Variants in OR14J1 observed in about 807,000 individuals in gnomAD.
The protein encoded by OR14J1 is olfactory receptor family 14 subfamily J member 1.
For missense variants in OR14J1, 378 were observed against 393.4 expected (o/e 0.96, Z 0.33); for synonymous variants, 140 against 146.7 (o/e 0.95, Z 0.33).
rs1346990460 is a variant in OR14J1, at chr6:29,307,356, G to A, written c.667G>A (p.Val223Met). The A allele has an allele frequency of 6.2e-7, 1 of 1,613,024 alleles. No individual in the cohort carries two copies. The highest frequency in any genetic ancestry group is 8.5e-7 in the Non-Finnish European group (1 of 1,180,030). The change falls in exon 2 of 2, where the codon GTG becomes ATG. Residue 223 changes from valine (V) to methionine (M), a missense_variant. Transcript: ENST00000641895. ...CTCCTACATTCGCATCTTCTCTACA[G>A]TGCTGAGAATCCCATCAGCTGAGGG... ...VLSYIRIFST[V>M]LRIPSAEGRT...
chr6:29,303,650 T>G (rs974543737), intron 1 of OR14J1, among the ~76,000 whole-genome samples: 1 of 152,134 alleles, frequency 6.6e-6, no homozygotes, highest in African/African-American at 2.4e-5. Flanking sequence ...GAGTGAAGAC[T>G]TTTCTTTTTC....
chr6:29,303,447 G>T (rs1331419042), intron 1 of OR14J1, among the ~76,000 whole-genome samples: 2 of 121,718 alleles, frequency 1.6e-5, no homozygotes, highest in Non-Finnish European at 3.5e-5. Context: ...AAAATAGAAA[G>T]AGTGCATTGA....
chr6:29,306,987 T>A lies in OR14J1; in HGVS notation c.298T>A (p.Phe100Ile). Residue 100 changes from phenylalanine to isoleucine, a missense_variant, in exon 2 of 2, where the codon TTC (phenylalanine) becomes ATC (isoleucine). Physicochemically the swap from Phe to Ile is conservative, Grantham distance 21 (BLOSUM62 0). Coordinates refer to ENST00000641895, the MANE Select transcript of OR14J1 (RefSeq NM_030946.2). The part of the protein sequence containing the change: ...ISLVQCILQV[F>I]FFIALASSEV... Reference sequence around the variant, plus strand: ...TCTTGTTCAGTGCATTCTTCAGGTTTTCTTCTTCATAGCTCTGGCCTCATC... The same window carrying A: ...TCTTGTTCAGTGCATTCTTCAGGTTATCTTCTTCATAGCTCTGGCCTCATC... The A allele has an allele frequency of 6.2e-7, 1 of 1,613,106 alleles. No individual in the cohort carries two copies.
At chr6:29,306,618 G>C (rs1775101634) in intron 1 of OR14J1, 44 bp from the exon 2 acceptor site, 2 of 853,494 alleles carry the variant, frequency 2.3e-6, no homozygotes, top group Non-Finnish European at 3.8e-6. Context: ...AAATATATTA[G>C]ATGTCATGCA....
rs554391464 is a variant in OR14J1 at position 29,309,422 on chromosome 6, T to C, written c.*1767T>C. 2.6e-5 allele frequency: 4 copies of C among 152,312 alleles called. No homozygotes were observed. Among genetic ancestry groups the C allele is most frequent in the African/African-American group, 7.2e-5 (3 of 41,556 alleles). The allele number at this position is 152,312 out of a possible 1,614,324, so 9.4% of individuals were successfully genotyped here. A position where few individuals can be genotyped will look rare whatever the true frequency, so the allele number is the denominator to read the frequency against. ...CCTGTAAAGGGATTCCTGGGTCAAA[T>C]GGTATTTTTGGTTCTAGATCCTTGA... On this transcript the variant is annotated 3_prime_UTR_variant, in exon 2 of 2. Coordinates refer to ENST00000641895, the MANE Select transcript of OR14J1 (RefSeq NM_030946.2).
chr6:29,303,416 AAC>A (rs1774844029), intron 1 of OR14J1, among the ~76,000 whole-genome samples: 1 of 151,704 alleles, frequency 6.6e-6, no homozygotes, highest in Non-Finnish European at 1.5e-5. Flanking sequence ...ATATTTGAGA[AAC>A]AAAATTTAAA....
rs1775628246 is a variant in OR14J1 at position 29,312,904 on chromosome 6, T to C, written c.*5249T>C. On this transcript the variant is annotated 3_prime_UTR_variant, in exon 2 of 2. Transcript: ENST00000641895. ...CTTTTTAAACACATTCATGGTGATA[T>C]ATATCGATGAGTTTATTTTGTATTG... 1 of 152,200 alleles carries C rather than the reference T, an allele frequency of 6.6e-6. No individual in the cohort carries two copies. The highest frequency in any genetic ancestry group is 1.5e-5 in the Non-Finnish European group (1 of 68,044). 9.4% of individuals were successfully genotyped at this position (152,200 alleles called of 1,614,324 possible).
At chr6:29,303,121 A>G (rs1252210248) in intron 1 of OR14J1, among the ~76,000 whole-genome samples, 1 of 152,246 alleles carries the variant, frequency 6.6e-6, no homozygotes, top group Admixed American at 6.5e-5. Flanking sequence ...CAGAAGACCT[A>G]TGGTAGTGCT....
chr6:29,305,030 A>G (rs1211613524), intron 1 of OR14J1, among the ~76,000 whole-genome samples: 2 of 152,188 alleles, frequency 1.3e-5, no homozygotes, highest in Non-Finnish European at 2.9e-5. Flanking sequence ...GGATTAAGCT[A>G]TATCTTATGG....
intron 1 of OR14J1, among the ~76,000 whole-genome samples, chr6:29,303,707 T>TATC (rs1774867870): frequency 1.3e-5 from 2 of 150,604 alleles, no homozygotes; most frequent in South Asian, 4.3e-4. Context: ...TCTATCTATC[T>TATC]ATCTATCTAT....
intron 1 of OR14J1, among the ~76,000 whole-genome samples, chr6:29,303,536 T>C (rs565763583): frequency 6.6e-5 from 10 of 152,306 alleles, no homozygotes; most frequent in Non-Finnish European, 1.3e-4. Flanking sequence ...ATTAACATGG[T>C]TCAAGAATTG....
chr6:29,310,699 T>C lies in OR14J1; in HGVS notation c.*3044T>C, dbSNP rs959072745. The C allele has an allele frequency of 2.6e-5, 4 of 152,242 alleles. No individual in the cohort carries two copies. Among genetic ancestry groups the C allele is most frequent in the African/African-American group, 4.8e-5 (2 of 41,472 alleles). 9.4% of individuals were successfully genotyped at this position (152,242 alleles called of 1,614,324 possible). A position where few individuals can be genotyped will look rare whatever the true frequency, so the allele number is the denominator to read the frequency against. The stretch of plus-strand genomic sequence containing the variant: ...ATAGCATTGAATCTATAAATTACTT[T>C]GGGCAGTATGGCCATTTTTCATGAT... On this transcript the variant is annotated 3_prime_UTR_variant, in exon 2 of 2. Transcript: ENST00000641895.
rs192536091 is a variant in OR14J1, at chr6:29,305,418, G to T, written c.-28-1244G>T. On this transcript the variant is annotated intron_variant, in intron 1 of 1. Transcript: ENST00000641895. ...ATATAGAACTGAAATCAATTATGTA[G>T]ATATCCCGTTAAATAAGTATTTACT... 3.0e-3 allele frequency among the ~76,000 whole-genome samples: 464 copies of T among 152,234 alleles called. 2 individuals are homozygous for T. Among genetic ancestry groups the T allele is most frequent in the Admixed American group, 5.9e-3 (91 of 15,298 alleles).
At chr6:29,305,923 C>G (rs1343159557) in intron 1 of OR14J1, among the ~76,000 whole-genome samples, 2 of 152,076 alleles carry the variant, frequency 1.3e-5, no homozygotes, top group African/African-American at 4.8e-5. Flanking sequence ...CTCTTTATTT[C>G]TTCAAATGGA....
intron 1 of OR14J1, among the ~76,000 whole-genome samples, chr6:29,302,153 G>C (rs1301844915): frequency 1.3e-5 from 1 of 79,482 alleles, no homozygotes; most frequent in Non-Finnish European, 3.2e-5. Context: ...AAACAAATGA[G>C]GGGAGATTTT....
intron 1 of OR14J1, 88 bp from the exon 2 acceptor site, chr6:29,306,574 C>A (rs2151193023): frequency 2.9e-6 from 2 of 687,252 alleles, no homozygotes; most frequent in East Asian, 2.5e-5. Flanking sequence ...CATTTCAGTA[C>A]CTCCTTGCTG....
chr6:29,302,086 G>A (rs1774739410), intron 1 of OR14J1, among the ~76,000 whole-genome samples: 1 of 150,824 alleles, frequency 6.6e-6, no homozygotes, highest in South Asian at 2.1e-4. Context: ...AAACTCAGGT[G>A]AATTATAAAT....
At chr6:29,303,505 AG>A (rs1474582446) in intron 1 of OR14J1, among the ~76,000 whole-genome samples, 1 of 152,188 alleles carries the variant, frequency 6.6e-6, no homozygotes, top group Non-Finnish European at 1.5e-5. Flanking sequence ...GCTGTTTGTG[AG>A]GACTCATGAA....
chr6:29,302,823 A>T (rs944610952), intron 1 of OR14J1, among the ~76,000 whole-genome samples: 5 of 150,636 alleles, frequency 3.3e-5, no homozygotes, highest in African/African-American at 9.8e-5. Flanking sequence ...TTAGAAATAC[A>T]TAAAACTGAA....
Sources: gnomAD v4.1 joint callset for allele counts (sites outside exome capture counted in the v4.1 genomes callset) on GRCh38, gnomAD v4.1.1 for gene constraint, MANE v1.5 for transcripts, NCBI Gene and HGNC (gene_info 2026-07-23, HGNC 2026-07-21) for gene names.